Variants in KCNIP4 observed in about 807,000 individuals in gnomAD.
The protein encoded by KCNIP4 is potassium voltage-gated channel interacting protein 4, also known as Kv channel-interacting protein 4.
In KCNIP4, 12 loss-of-function variants were observed where a neutral mutation model predicts 34.0. That is an observed-to-expected ratio of 0.35 (90% confidence interval 0.23 to 0.57). The LOEUF is 0.57. Among genes scored for constraint, KCNIP4 ranks in the 20% least tolerant of loss-of-function variants. The pLI is 0.83. For missense variants in KCNIP4, 238 were observed against 311.7 expected, an observed-to-expected ratio of 0.76 and a Z score of 1.78; for synonymous variants, 124 against 102.2, an observed-to-expected ratio of 1.21 and a Z score of -1.29.
chr4:21,570,784 T>C (rs1356967046), intron 1 of KCNIP4, among the ~76,000 whole-genome samples: 1 of 152,176 alleles, frequency 6.6e-6, no homozygotes, highest in African/African-American at 2.4e-5. Context: ...ATTACAATGT[T>C]TATCCAGTAC....
chr4:21,410,795 G>A (rs1724429989), intron 1 of KCNIP4, among the ~76,000 whole-genome samples: 1 of 152,194 alleles, frequency 6.6e-6, no homozygotes, highest in African/African-American at 2.4e-5. Flanking sequence ...GTAAAAGCAT[G>A]TTATTTAAGG....
intron 4 of KCNIP4, among the ~76,000 whole-genome samples, chr4:20,751,318 G>A (rs1230715419): frequency 6.6e-6 from 1 of 152,122 alleles, no homozygotes; most frequent in African/African-American, 2.4e-5. Context: ...TACATTGCAG[G>A]AAGAAATTCT....
rs566635181 is a variant in KCNIP4 at position 21,083,284 on chromosome 4, C to T, written c.62-200575G>A. On this transcript the variant is annotated intron_variant, in intron 1 of 8. Transcript: ENST00000382152. Reference sequence around the variant, plus strand: ...CTTCCTCTCTCTTTTTTTTCTCTCCCTCTTTCCTTCCCCCTCCTCAGAAAA... The same window carrying T: ...CTTCCTCTCTCTTTTTTTTCTCTCCTTCTTTCCTTCCCCCTCCTCAGAAAA... Among the ~76,000 whole-genome samples, 242 of 151,768 alleles carry T rather than the reference C, an allele frequency of 1.6e-3. 3 individuals carry two copies. The highest frequency in any genetic ancestry group is 0.013 in the South Asian group (64 of 4,822).
At chr4:21,015,659 TTAATA>T (rs540725327) in intron 1 of KCNIP4, among the ~76,000 whole-genome samples, 38 of 78,124 alleles carry the variant, frequency 4.9e-4, no homozygotes, top group Admixed American at 1.4e-3. Flanking sequence ...GTATATTGTA[TTAATA>T]TAATATAATA....
intron 1 of KCNIP4, among the ~76,000 whole-genome samples, chr4:21,420,570 C>G (rs1410258274): frequency 2.0e-5 from 3 of 152,176 alleles, no homozygotes; most frequent in Admixed American, 1.3e-4. Flanking sequence ...TTGCAGTGTT[C>G]TTTATCATTT....
intron 1 of KCNIP4, among the ~76,000 whole-genome samples, chr4:21,770,545 T>A (rs1422140294): frequency 6.6e-6 from 1 of 152,222 alleles, no homozygotes; most frequent in Non-Finnish European, 1.5e-5. Flanking sequence ...TCTTCCACAA[T>A]GGCTGAACTA....
chr4:21,166,450 G>A (rs1753630446), intron 1 of KCNIP4, among the ~76,000 whole-genome samples: 1 of 152,158 alleles, frequency 6.6e-6, no homozygotes, highest in Admixed American at 6.5e-5. Flanking sequence ...ATGCTCACAA[G>A]TGCTAGTGGT....
intron 1 of KCNIP4, among the ~76,000 whole-genome samples, chr4:21,134,191 C>T (rs1162748338): frequency 6.6e-6 from 1 of 152,074 alleles, no homozygotes; most frequent in Non-Finnish European, 1.5e-5. Flanking sequence ...CCTCTGCCAC[C>T]CCTGAGATAG....
In KCNIP4 at chr4:21,169,750, G is replaced by A. The variant is rs576702365; in HGVS notation, c.62-287041C>T. 3.6e-4 allele frequency among the ~76,000 whole-genome samples: 53 copies of A among 148,740 alleles called. No homozygotes were observed. In the South Asian group the frequency reaches 0.011, roughly 31 times the overall value. ...CTTAGGCTTCTGATATGAGAACCTG[G>A]GCCTGAACAGAAGGACATCAGAATG... On this transcript the variant is annotated intron_variant, in intron 1 of 8. Coordinates refer to ENST00000382152, the MANE Select transcript of KCNIP4 (RefSeq NM_025221.6).
At chr4:21,358,606 G>A (rs1718902877) in intron 1 of KCNIP4, among the ~76,000 whole-genome samples, 1 of 150,644 alleles carries the variant, frequency 6.6e-6, no homozygotes, top group Non-Finnish European at 1.5e-5. Context: ...TTCTGGATGT[G>A]TCTGTGAGAG....
At chr4:21,481,312 T>C (rs375782923) in intron 1 of KCNIP4, among the ~76,000 whole-genome samples, 8 of 152,154 alleles carry the variant, frequency 5.3e-5, no homozygotes, top group African/African-American at 1.9e-4. Flanking sequence ...CAGGAAAAGG[T>C]GAGTCCCTCA....
At chr4:20,982,375 G>C (rs1736148507) in intron 1 of KCNIP4, among the ~76,000 whole-genome samples, 1 of 152,148 alleles carries the variant, frequency 6.6e-6, no homozygotes, top group Non-Finnish European at 1.5e-5. Context: ...ACTGTATTAA[G>C]ACACCAGCAT....
At chr4:21,676,314 A>T (rs1749892488) in intron 1 of KCNIP4, among the ~76,000 whole-genome samples, 1 of 152,258 alleles carries the variant, frequency 6.6e-6, no homozygotes, top group South Asian at 2.1e-4. Context: ...GATAACCTCA[A>T]TATAAACTTA....
At chr4:20,951,245 AC>A (rs897654307) in intron 1 of KCNIP4, among the ~76,000 whole-genome samples, 3 of 152,094 alleles carry the variant, frequency 2.0e-5, no homozygotes, top group African/African-American at 4.8e-5. Flanking sequence ...CCATGCTGGT[AC>A]CCCCTGGTCT....
At chr4:21,864,052 G>GA (rs1285970527) in intron 1 of KCNIP4, among the ~76,000 whole-genome samples, 1 of 152,144 alleles carries the variant, frequency 6.6e-6, no homozygotes, top group Admixed American at 6.5e-5. Flanking sequence ...ATGAAACTCT[G>GA]ATGAATAGTG....
chr4:21,346,213 T>TA lies in KCNIP4; in HGVS notation c.62-463505dup, dbSNP rs1416113210. On this transcript the variant is annotated intron_variant, in intron 1 of 8. Transcript: ENST00000382152. ...TATATAGAATTATATATATAATATA[T>TA]ATTATATATAATTCTATATATATAA... Among the ~76,000 whole-genome samples the TA allele has an allele frequency of 9.2e-4, 62 of 67,654 alleles. 3 individuals are homozygous for TA. Among genetic ancestry groups the TA allele is most frequent in the Non-Finnish European group, 1.7e-3 (56 of 32,892 alleles). The allele number at this position is 67,654 out of a possible 152,430, so 44.4% of individuals were successfully genotyped here.
chr4:21,689,484 G>A (rs1346899285), intron 1 of KCNIP4, among the ~76,000 whole-genome samples: 1 of 152,232 alleles, frequency 6.6e-6, no homozygotes, highest in Admixed American at 6.5e-5. Context: ...ATTAAAAGCT[G>A]GAATTCCAAC....
chr4:20,824,229 C>T (rs1553901986), intron 3 of KCNIP4, among the ~76,000 whole-genome samples: 1 of 152,140 alleles, frequency 6.6e-6, no homozygotes, highest in Non-Finnish European at 1.5e-5. Flanking sequence ...TGTGTGTATA[C>T]AATCTATATA....
intron 1 of KCNIP4, among the ~76,000 whole-genome samples, chr4:21,691,987 C>T (rs1292758690): frequency 1.3e-5 from 2 of 152,054 alleles, no homozygotes; most frequent in African/African-American, 4.8e-5. Flanking sequence ...CGTGATCCAC[C>T]GCACCAGGCC....
Sources: allele counts gnomAD v4.1 joint callset (sites outside exome capture counted in the v4.1 genomes callset), GRCh38; gene constraint gnomAD v4.1.1; transcripts MANE v1.5; gene names NCBI Gene and HGNC (gene_info 2026-07-23, HGNC 2026-07-21).